Variants in STAG1 observed in about 807,000 individuals in gnomAD.
The protein encoded by STAG1 is STAG1 cohesin complex component.
STAG1 carries 26 observed loss-of-function variants against 170.9 expected under a neutral mutation model. That is an observed-to-expected ratio of 0.15 (90% CI 0.11 to 0.21). The LOEUF is 0.21. Among genes scored for constraint, STAG1 ranks in the 10% least tolerant of loss-of-function variants. The probability of loss-of-function intolerance (pLI) is 1.00; values close to 1 mark genes in which losing one functional copy is unlikely to be tolerated. For synonymous variants in STAG1, 514 were observed against 497.7 expected, an observed-to-expected ratio of 1.03 and a Z score of -0.44; for missense variants, 964 against 1,509.5, an observed-to-expected ratio of 0.64 and a Z score of 5.99.
intron 4 of STAG1, among the ~76,000 whole-genome samples, chr3:136,578,618 G>A (rs1327648554): frequency 1.3e-5 from 2 of 152,222 alleles, no homozygotes; most frequent in Non-Finnish European, 2.9e-5. Context: ...GAGATACTGT[G>A]CATTGTTGAA....
At chr3:136,662,686 T>A (rs375116998) in intron 1 of STAG1, among the ~76,000 whole-genome samples, 49 of 150,914 alleles carry the variant, frequency 3.2e-4, no homozygotes, top group African/African-American at 9.3e-4. Flanking sequence ...CTCAAGCGAG[T>A]CCCCTGCCTC....
At chr3:136,707,979 T>A (rs909149482) in intron 1 of STAG1, among the ~76,000 whole-genome samples, 9 of 151,970 alleles carry the variant, frequency 5.9e-5, no homozygotes, top group South Asian at 2.1e-4. Context: ...TATATTTTTT[T>A]AAAAAAAAGG....
intron 21 of STAG1, among the ~76,000 whole-genome samples, chr3:136,402,578 C>G (rs1413173376): frequency 6.6e-6 from 1 of 151,974 alleles, no homozygotes; most frequent in Non-Finnish European, 1.5e-5. Flanking sequence ...CATCTGTAAT[C>G]TCAGCATTTT....
chr3:136,592,437 C>T (rs528509940), intron 4 of STAG1, among the ~76,000 whole-genome samples: 2 of 152,126 alleles, frequency 1.3e-5, no homozygotes, highest in African/African-American at 2.4e-5. Context: ...TGTAAGTTTC[C>T]TAAGGCCTCC....
At chr3:136,395,807 T>C (rs2087131819) in intron 22 of STAG1, among the ~76,000 whole-genome samples, 1 of 152,094 alleles carries the variant, frequency 6.6e-6, no homozygotes, top group Non-Finnish European at 1.5e-5. Context: ...TAAAACTCAA[T>C]CAGAAGGGTG....
At chr3:136,387,547 T>C (rs750954614) in intron 22 of STAG1, among the ~76,000 whole-genome samples, 6 of 152,188 alleles carry the variant, frequency 3.9e-5, no homozygotes, top group Non-Finnish European at 8.8e-5. Flanking sequence ...GGCCCCACCA[T>C]TGTAGAAGGG....
intron 21 of STAG1, among the ~76,000 whole-genome samples, chr3:136,406,198 A>G (rs2087479654): frequency 6.6e-6 from 1 of 152,240 alleles, no homozygotes; most frequent in African/African-American, 2.4e-5. Flanking sequence ...GTGGAATATT[A>G]CTCAGCAGTA....
chr3:136,425,224 T>TA (rs1298717866), intron 16 of STAG1, among the ~76,000 whole-genome samples: 1 of 152,016 alleles, frequency 6.6e-6, no homozygotes, highest in East Asian at 1.9e-4. Flanking sequence ...ATCCACCTAA[T>TA]AGACACTATA....
intron 7 of STAG1, among the ~76,000 whole-genome samples, chr3:136,506,476 C>CAAAAA (rs11414654): frequency 1.2e-5 from 1 of 85,342 alleles, no homozygotes; most frequent in African/African-American, 4.0e-5. Context: ...ACTAAAAATA[C>CAAAAA]AAAAAAAAAA....
chr3:136,424,110 C>T (rs1169501582), intron 16 of STAG1, among the ~76,000 whole-genome samples: 4 of 151,916 alleles, frequency 2.6e-5, no homozygotes, highest in East Asian at 1.9e-4. Flanking sequence ...TGATCCACCA[C>T]GCCCGGCCTT....
chr3:136,471,390 C>T (rs922514469), intron 12 of STAG1, among the ~76,000 whole-genome samples: 1 of 151,460 alleles, frequency 6.6e-6, no homozygotes, highest in Admixed American at 6.6e-5. Context: ...TTTTAAAATT[C>T]ATATCAAACA....
intron 5 of STAG1, among the ~76,000 whole-genome samples, chr3:136,564,933 G>T (rs1036640392): frequency 1.4e-5 from 2 of 146,436 alleles, no homozygotes; most frequent in Non-Finnish European, 3.0e-5. Context: ...CTTGAATTTG[G>T]CAATGGATCC....
chr3:136,662,629 G>A (rs1457411392), intron 1 of STAG1, among the ~76,000 whole-genome samples: 1 of 152,048 alleles, frequency 6.6e-6, no homozygotes, highest in African/African-American at 2.4e-5. Flanking sequence ...ATTCTTTGTA[G>A]AGATGGGGTC....
At chr3:136,707,988 G>A (rs1943272966) in intron 1 of STAG1, among the ~76,000 whole-genome samples, 1 of 151,976 alleles carries the variant, frequency 6.6e-6, no homozygotes, top group Non-Finnish European at 1.5e-5. Context: ...TTAAAAAAAA[G>A]GAAAACAGCA....
intron 23 of STAG1, among the ~76,000 whole-genome samples, chr3:136,377,030 G>C (rs1314632028): frequency 6.6e-6 from 1 of 150,748 alleles, no homozygotes; most frequent in African/African-American, 2.4e-5. Context: ...GCCCACCTCG[G>C]CCTCCCAAAG....
At chr3:136,381,865 T>C (rs1937987835) in intron 22 of STAG1, among the ~76,000 whole-genome samples, 1 of 152,258 alleles carries the variant, frequency 6.6e-6, no homozygotes, top group Admixed American at 6.5e-5. Flanking sequence ...TAAGGTTCTA[T>C]GTTACTCTGA....
At chr3:136,673,931 C>G (rs535022677) in intron 1 of STAG1, among the ~76,000 whole-genome samples, 1 of 151,568 alleles carries the variant, frequency 6.6e-6, no homozygotes, top group South Asian at 2.1e-4. Flanking sequence ...GGCAAAACCC[C>G]GTCTCTACTA....
At chr3:136,613,802 AT>A (rs547373861) in intron 3 of STAG1, among the ~76,000 whole-genome samples, 94 of 152,266 alleles carry the variant, frequency 6.2e-4, no homozygotes, top group African/African-American at 2.2e-3. Flanking sequence ...AATTCTTTAC[AT>A]TAATTTTTCT....
At chr3:136,391,453 T>C (rs563230860) in intron 22 of STAG1, among the ~76,000 whole-genome samples, 17 of 150,234 alleles carry the variant, frequency 1.1e-4, no homozygotes, top group Admixed American at 6.7e-4. Flanking sequence ...CTTGGCTCAC[T>C]GCAACCTCCG....
Sources: gnomAD v4.1 joint callset for allele counts (sites outside exome capture counted in the v4.1 genomes callset) on GRCh38, gnomAD v4.1.1 for gene constraint, MANE v1.5 for transcripts, NCBI Gene and HGNC (gene_info 2026-07-23, HGNC 2026-07-21) for gene names.